COL4A5: variants seen among roughly 807,000 people sequenced by gnomAD.
COL4A5 encodes the protein collagen type IV alpha 5 chain, also known as collagen alpha-5(IV) chain.
Under a neutral mutation model 130.2 loss-of-function variants are expected in COL4A5, and 26 were observed. The observed-to-expected ratio is 0.20, with a 90% confidence interval of 0.15 to 0.28. The LOEUF is 0.28. COL4A5 is among the 10% of genes least tolerant of loss of function. The pLI is 1.00. For synonymous variants in COL4A5, 496 were observed against 439.6 expected, an observed-to-expected ratio of 1.13 and a Z score of -1.60; for missense variants, 1,131 against 1,344.3, an observed-to-expected ratio of 0.84 and a Z score of 2.48.
At chrX:108,475,865 T>A (rs1285394632) in intron 1 of COL4A5, among the ~76,000 whole-genome samples, 1 of 112,219 alleles carries the variant, frequency 8.9e-6, no homozygotes, top group Non-Finnish European at 1.9e-5. Flanking sequence ...AATTACAAAA[T>A]GTTATGTAAC....
intron 33 of COL4A5, 74 bp downstream of exon 33, chrX:108,622,899 T>C: frequency 4.0e-6 from 4 of 1,003,652 alleles, no homozygotes; most frequent in Non-Finnish European, 4.1e-6. Context: ...GCATGAAAAG[T>C]GACTTATAAT....
chrX:108,492,015 G>C (rs1251004309), intron 1 of COL4A5, among the ~76,000 whole-genome samples: 2 of 111,704 alleles, frequency 1.8e-5, no homozygotes, highest in African/African-American at 6.5e-5. Context: ...GAAATGAGAT[G>C]CTTTGGAGAA....
At chrX:108,574,342 A>G (rs1468240195) in intron 9 of COL4A5, among the ~76,000 whole-genome samples, 3 of 111,872 alleles carry the variant, frequency 2.7e-5, no homozygotes, top group African/African-American at 9.7e-5. Flanking sequence ...AAATTCACTC[A>G]ATCTTGCCCT....
chrX:108,558,155 A>G (rs1406268105), intron 2 of COL4A5, among the ~76,000 whole-genome samples: 1 of 91,140 alleles, frequency 1.1e-5, no homozygotes, highest in Non-Finnish European at 2.1e-5. Context: ...ATTCCCACCT[A>G]TGAGTGAGAA....
intron 10 of COL4A5, among the ~76,000 whole-genome samples, chrX:108,577,372 C>CAAAAAAAAA (rs746311921): frequency 3.3e-5 from 1 of 29,878 alleles, no homozygotes; most frequent in Non-Finnish European, 7.5e-5. Context: ...AACTCCTTCT[C>CAAAAAAAAA]AAAAAAAAAA....
intron 30 of COL4A5, 121 bp downstream of exon 30, chrX:108,615,145 T>C: frequency 1.9e-6 from 1 of 532,905 alleles, no homozygotes; most frequent in South Asian, 2.6e-5. Context: ...AATCTATCTA[T>C]GTGTATGATT....
At chrX:108,526,609 T>C (rs1007479039) in intron 1 of COL4A5, among the ~76,000 whole-genome samples, 12 of 50,220 alleles carry the variant, frequency 2.4e-4, no homozygotes, top group Non-Finnish European at 2.2e-4. Flanking sequence ...TCTTTCTTTC[T>C]TTCTTTCTTT....
intron 49 of COL4A5, among the ~76,000 whole-genome samples, chrX:108,691,354 G>A (rs2068637343): frequency 9.0e-6 from 1 of 111,173 alleles, no homozygotes. Flanking sequence ...TAAAAAAAAT[G>A]TTCATGTGCC....
chrX:108,687,426 A>G (rs1206711298), intron 48 of COL4A5, 56 bp from the exon 49 acceptor site: 29 of 1,007,764 alleles, frequency 2.9e-5, no homozygotes, highest in African/African-American at 1.9e-5. Flanking sequence ...GTCAATATCC[A>G]TAAGAGTGGA....
chrX:108,480,463 A>G (rs1299967765), intron 1 of COL4A5, among the ~76,000 whole-genome samples: 1 of 112,984 alleles, frequency 8.9e-6, no homozygotes, highest in African/African-American at 3.2e-5. Flanking sequence ...TAATGGACCA[A>G]TGCAATATCT....
At chrX:108,579,875 CATT>C (rs1002557996) in intron 13 of COL4A5, among the ~76,000 whole-genome samples, 2 of 111,219 alleles carry the variant, frequency 1.8e-5, no homozygotes, top group African/African-American at 6.5e-5. Context: ...AAAAAATTGT[CATT>C]ATTTTCATTT....
chrX:108,620,468 T>A (rs1432463241), intron 31 of COL4A5, 42 bp downstream of exon 31: 1 of 1,043,134 alleles, frequency 9.6e-7, no homozygotes, highest in African/African-American at 1.8e-5. Flanking sequence ...TTAAGGAAAT[T>A]AAAACTAATA....
rs777007900 is a variant in COL4A5 at position 108,591,047 on chromosome X, T to A, written c.1166-11T>A. ...AGATGAAATCATTTTGATCACTTTT[T>A]TGAATCTTAGGGGCTGCAGTTATGG... On this transcript the variant is annotated splice_polypyrimidine_tract_variant and intron_variant, in intron 19 of 52. Transcript: ENST00000328300. 1.7e-6 allele frequency: 2 copies of A among 1,206,065 alleles called. No individual in the cohort carries two copies. The highest frequency in any genetic ancestry group is 3.5e-5 in the African/African-American group (2 of 57,198).
chrX:108,512,870 C>G (rs1002525875), intron 1 of COL4A5, among the ~76,000 whole-genome samples: 6 of 111,200 alleles, frequency 5.4e-5, no homozygotes, highest in Non-Finnish European at 1.1e-4. Context: ...ATTTATTAGG[C>G]GAGAATTTCC....
chrX:108,544,314 C>A (rs1371842094), intron 2 of COL4A5, among the ~76,000 whole-genome samples: 1 of 112,014 alleles, frequency 8.9e-6, no homozygotes, highest in South Asian at 3.7e-4. Context: ...AGCTTTTAGC[C>A]TGAAGGGCTG....
chrX:108,477,476 A>G (rs2064844376), intron 1 of COL4A5, among the ~76,000 whole-genome samples: 1 of 111,808 alleles, frequency 8.9e-6, no homozygotes, highest in African/African-American at 3.3e-5. Context: ...TAAAATGAAG[A>G]TATTAGTACA....
chrX:108,508,101 C>T (rs2065143681), intron 1 of COL4A5, among the ~76,000 whole-genome samples: 1 of 111,255 alleles, frequency 9.0e-6, no homozygotes, highest in Admixed American at 9.5e-5. Flanking sequence ...TCAAACTATT[C>T]CTGTTTGTAG....
At chrX:108,678,538 G>T (rs1489752536) in intron 44 of COL4A5, among the ~76,000 whole-genome samples, 1 of 110,913 alleles carries the variant, frequency 9.0e-6, no homozygotes, top group East Asian at 2.8e-4. Context: ...TTTATTATAA[G>T]ATGACAATAA....
chrX:108,561,581 A>G (rs778131320), intron 3 of COL4A5, among the ~76,000 whole-genome samples: 23 of 109,566 alleles, frequency 2.1e-4, no homozygotes, highest in African/African-American at 7.6e-4. Flanking sequence ...TAGACTGATG[A>G]ATTGATATAT....
Sources: allele counts gnomAD v4.1 joint callset (sites outside exome capture counted in the v4.1 genomes callset), GRCh38; gene constraint gnomAD v4.1.1; transcripts MANE v1.5; gene names NCBI Gene and HGNC (gene_info 2026-07-23, HGNC 2026-07-21).